Variants in GAN observed in about 807,000 individuals in gnomAD.
GAN encodes the protein gigaxonin.
A neutral mutation model predicts 71.3 loss-of-function variants in GAN; 48 were observed. The observed-to-expected ratio is 0.67, with a 90% CI of 0.53 to 0.86. GAN has a LOEUF of 0.86. Ranked by LOEUF, GAN falls within the 40% of genes least tolerant of loss-of-function variation. The probability of loss-of-function intolerance (pLI) is 0.00; values close to 1 mark genes in which losing one functional copy is unlikely to be tolerated. For synonymous variants in GAN, 386 were observed against 276.8 expected (o/e 1.39, Z -3.92); for missense variants, 928 against 770.1 (o/e 1.21, Z -2.43).
At chr16:81,326,964 G>T (rs1909411804) in intron 1 of GAN, among the ~76,000 whole-genome samples, 1 of 152,356 alleles carries the variant, frequency 6.6e-6, no homozygotes, top group East Asian at 1.9e-4. Flanking sequence ...TCCAAGTAAG[G>T]TTGAACTTTC....
intron 9 of GAN, among the ~76,000 whole-genome samples, chr16:81,368,881 C>A (rs1223027656): frequency 6.6e-6 from 1 of 152,094 alleles, no homozygotes; most frequent in Non-Finnish European, 1.5e-5. Context: ...TTTTTGATTG[C>A]CCTTCTCAGA....
In GAN at chr16:81,354,444, G is replaced by A. The variant is rs771660619; in HGVS notation, c.322G>A (p.Ala108Thr). The change falls in exon 3 of 11, where the codon GCA becomes ACA. Residue 108 changes from alanine (A) to threonine (T), a missense_variant. Transcript: ENST00000648994. ...AGATACAATCCAAGATGTTGTTCAG[G>A]CAGCTGACCTGCTGCTACTGACGGA... ...NEDTIQDVVQ[A>T]ADLLLLTDLK... 3.1e-6 allele frequency: 5 copies of A among 1,613,582 alleles called. No individual in the cohort carries two copies. The Admixed American group carries it at 6.7e-5, about 22-fold the overall frequency.
intron 1 of GAN, among the ~76,000 whole-genome samples, chr16:81,320,436 C>A (rs1909188053): frequency 6.6e-6 from 1 of 152,214 alleles, no homozygotes; most frequent in Non-Finnish European, 1.5e-5. Context: ...AGAATACACT[C>A]CCGAGGCAGC....
chr16:81,388,083 T>A lies in GAN; in HGVS notation c.*10487T>A, dbSNP rs893824014. The stretch of plus-strand genomic sequence containing the variant: ...ACTTCGCAGTCGGCGCATCTTTCTC[T>A]GCCAGCTTAGGGATTGCCGTCAAGG... On this transcript the variant is annotated 3_prime_UTR_variant, in exon 11 of 11. Coordinates refer to ENST00000648994, the MANE Select transcript of GAN (RefSeq NM_022041.4). 1 of 152,274 alleles carries A rather than the reference T, an allele frequency of 6.6e-6. No individual in the cohort carries two copies. Among genetic ancestry groups the A allele is most frequent in the African/African-American group, 2.4e-5 (1 of 41,456 alleles). The allele number at this position is 152,274 out of a possible 1,614,324, so 9.4% of individuals were successfully genotyped here.
intron 9 of GAN, among the ~76,000 whole-genome samples, chr16:81,367,012 G>A (rs79450037): frequency 0.058 from 8,882 of 151,888 alleles, 422 homozygotes; most frequent in East Asian, 0.15. Context: ...TTTAGTAGAG[G>A]CAGGGTTTCA....
intron 1 of GAN, among the ~76,000 whole-genome samples, chr16:81,319,694 A>G (rs1567477416): frequency 6.6e-6 from 1 of 152,170 alleles, no homozygotes; most frequent in Non-Finnish European, 1.5e-5. Context: ...TAAGAATGTA[A>G]GTGGCTTCCC....
intron 5 of GAN, among the ~76,000 whole-genome samples, chr16:81,361,126 G>A (rs1402827528): frequency 2.6e-5 from 4 of 152,228 alleles, no homozygotes; most frequent in East Asian, 3.9e-4. Flanking sequence ...TCAGGAGGGC[G>A]ATGCAGGAGA....
intron 1 of GAN, among the ~76,000 whole-genome samples, chr16:81,340,420 G>A (rs188266710): frequency 4.5e-4 from 69 of 152,336 alleles, no homozygotes; most frequent in African/African-American, 5.5e-4. Context: ...CCTCTGGGGC[G>A]AAGCTTCCAG....
chr16:81,353,087 C>T (rs1275371039), intron 2 of GAN, among the ~76,000 whole-genome samples: 1 of 152,006 alleles, frequency 6.6e-6, no homozygotes. Context: ...GTCAGGAGAT[C>T]GAGACCATCC....
rs150135718 is a variant in GAN at position 81,358,213 on chromosome 16, A to G, written c.973+282A>G. On this transcript the variant is annotated intron_variant, in intron 5 of 10. Coordinates refer to ENST00000648994, the MANE Select transcript of GAN (RefSeq NM_022041.4). ...AGAGCAAACTTCAGTGATGCTTACC[A>G]CTAAGTAGCTGTAGGGCCACACCTG... Among the ~76,000 whole-genome samples, 138 of 152,348 alleles carry G rather than the reference A, an allele frequency of 9.1e-4. 1 individual carries two copies. Among genetic ancestry groups the G allele is most frequent in the African/African-American group, 2.8e-3 (116 of 41,584 alleles).
At chr16:81,356,400 T>C (rs764393900) in intron 3 of GAN, among the ~76,000 whole-genome samples, 1 of 152,188 alleles carries the variant, frequency 6.6e-6, no homozygotes, top group Non-Finnish European at 1.5e-5. Flanking sequence ...GAGCTATTAC[T>C]GTATATAATA....
Position 81,388,351 on chromosome 16 carries a change from C to A in GAN, c.*10755C>A, listed in dbSNP as rs1904464371. The stretch of plus-strand genomic sequence containing the variant: ...CACATAATGGCCAGAGCATGAGCCT[C>A]ACAGATCCCTGAGCAGACCTGCATA... On this transcript the variant is annotated 3_prime_UTR_variant, in exon 11 of 11. Coordinates refer to ENST00000648994, the MANE Select transcript of GAN (RefSeq NM_022041.4). 1 of 152,374 alleles carries A rather than the reference C, an allele frequency of 6.6e-6. No homozygotes were observed. Among genetic ancestry groups the A allele is most frequent in the African/African-American group, 2.4e-5 (1 of 41,452 alleles). 9.4% of individuals were successfully genotyped at this position (152,374 alleles called of 1,614,324 possible). A position where few individuals can be genotyped will look rare whatever the true frequency, so the allele number is the denominator to read the frequency against.
At chr16:81,365,192 C>G in intron 8 of GAN, 82 bp downstream of exon 8, 1 of 1,575,440 alleles carries the variant, frequency 6.3e-7, no homozygotes, top group Non-Finnish European at 8.7e-7. Context: ...GGCTTTTGTT[C>G]TTTTCTTTCA....
Position 81,377,280 on chromosome 16 carries a change from G to A in GAN, c.1564G>A (p.Ala522Thr), listed in dbSNP as rs1198296321. Residue 522 changes from alanine (A) to threonine (T), a missense_variant, in exon 10 of 11, where the codon GCT (alanine) becomes ACT (threonine). Ala to Thr is a moderately conservative substitution (Grantham distance 58). Coordinates refer to ENST00000648994, the MANE Select transcript of GAN (RefSeq NM_022041.4). Reference protein sequence around the residue: ...IPASSSFVYGAVPIGASIYVI... With the variant: ...IPASSSFVYGTVPIGASIYVI... Reference sequence around the variant, plus strand: ...CGCCAGTTCCTCTTTTGTTTATGGAGCTGTACCTATAGGAGCCAGTATTTA... The same window carrying A: ...CGCCAGTTCCTCTTTTGTTTATGGAACTGTACCTATAGGAGCCAGTATTTA... 2 of 1,611,752 alleles carry A rather than the reference G, an allele frequency of 1.2e-6. No homozygotes were observed. Among genetic ancestry groups the A allele is most frequent in the Non-Finnish European group, 1.7e-6 (2 of 1,177,820 alleles).
In GAN at chr16:81,385,350, A is replaced by C. The variant is rs1904368657; in HGVS notation, c.*7754A>C. 6.6e-6 allele frequency: 1 copy of C among 152,166 alleles called. No homozygotes were observed. Among genetic ancestry groups the C allele is most frequent in the African/African-American group, 2.4e-5 (1 of 41,436 alleles). 9.4% of individuals were successfully genotyped at this position (152,166 alleles called of 1,614,324 possible). A position where few individuals can be genotyped will look rare whatever the true frequency, so the allele number is the denominator to read the frequency against. On this transcript the variant is annotated 3_prime_UTR_variant, in exon 11 of 11. Coordinates refer to ENST00000648994, the MANE Select transcript of GAN (RefSeq NM_022041.4). The stretch of plus-strand genomic sequence containing the variant: ...TTATTTTAATTATTTTCAGGCAATC[A>C]TCTTTATATACTTTCCTTACAAACC...
intron 1 of GAN, among the ~76,000 whole-genome samples, chr16:81,344,102 G>C (rs750354015): frequency 2.6e-5 from 4 of 152,162 alleles, no homozygotes; most frequent in Non-Finnish European, 4.4e-5. Flanking sequence ...ACTGCTCAAG[G>C]AAATAAGAGA....
chr16:81,326,487 C>G (rs897938798), intron 1 of GAN, among the ~76,000 whole-genome samples: 2 of 152,060 alleles, frequency 1.3e-5, no homozygotes, highest in Non-Finnish European at 2.9e-5. Context: ...GAGACGAGAT[C>G]GCGCCATTGC....
intron 1 of GAN, among the ~76,000 whole-genome samples, chr16:81,325,726 C>G (rs1009255107): frequency 2.0e-5 from 3 of 152,108 alleles, no homozygotes; most frequent in Admixed American, 2.0e-4. Context: ...AACATGAGAA[C>G]TAAGAATGAA....
intron 9 of GAN, among the ~76,000 whole-genome samples, chr16:81,376,144 G>C (rs1904278954): frequency 6.6e-6 from 1 of 151,640 alleles, no homozygotes; most frequent in Non-Finnish European, 1.5e-5. Flanking sequence ...TTGCTAATTG[G>C]AGTGCAAAAT....
Sources: allele counts gnomAD v4.1 joint callset (sites outside exome capture counted in the v4.1 genomes callset), GRCh38; gene constraint gnomAD v4.1.1; transcripts MANE v1.5; gene names NCBI Gene and HGNC (gene_info 2026-07-23, HGNC 2026-07-21).